The following ITPRID1 variants were observed in gnomAD, a reference collection of about 807,000 sequenced individuals.
The protein encoded by ITPRID1 is ITPR interacting domain containing 1.
ITPRID1 carries 96 observed loss-of-function variants against 95.4 expected under a neutral mutation model. The observed-to-expected ratio is 1.01, with a 90% CI of 0.85 to 1.19. The LOEUF is 1.19. ITPRID1 is among the 50% of genes most tolerant of loss of function. The pLI, the probability that ITPRID1 is intolerant of heterozygous loss-of-function variation, is 0.00. For synonymous variants in ITPRID1, 510 were observed against 453.6 expected, an observed-to-expected ratio of 1.12 and a Z score of -1.58; for missense variants, 1,339 against 1,252.9, an observed-to-expected ratio of 1.07 and a Z score of -1.04.
At chr7:31,542,393 C>G (rs573441393) in intron 1 of ITPRID1, among the ~76,000 whole-genome samples, 1 of 152,092 alleles carries the variant, frequency 6.6e-6, no homozygotes, top group African/African-American at 2.4e-5. Context: ...CATTTTTTTA[C>G]GACTTACACA....
chr7:31,587,935 A>G (rs377095926), intron 10 of ITPRID1, among the ~76,000 whole-genome samples: 2 of 152,174 alleles, frequency 1.3e-5, no homozygotes, highest in South Asian at 2.1e-4. Flanking sequence ...CTGGCTAGCC[A>G]TATGTAGAAA....
intron 10 of ITPRID1, among the ~76,000 whole-genome samples, chr7:31,634,273 AATTAAT>A (rs1479465563): frequency 1.3e-5 from 2 of 152,184 alleles, no homozygotes; most frequent in Non-Finnish European, 2.9e-5. Context: ...GGTAATTTCT[AATTAAT>A]ATTAGTATTA....
At chr7:31,615,684 T>G (rs1787135022) in intron 10 of ITPRID1, among the ~76,000 whole-genome samples, 1 of 130,510 alleles carries the variant, frequency 7.7e-6, no homozygotes, top group Non-Finnish European at 1.6e-5. Flanking sequence ...CCAAGATCAT[T>G]ACTAATAACA....
intron 10 of ITPRID1, among the ~76,000 whole-genome samples, chr7:31,622,596 A>G (rs1387542878): frequency 6.6e-6 from 1 of 152,124 alleles, no homozygotes; most frequent in East Asian, 1.9e-4. Flanking sequence ...TCTCTGGGAC[A>G]CATTCAAAGC....
At chr7:31,540,169 T>A (rs1783887850) in intron 1 of ITPRID1, among the ~76,000 whole-genome samples, 1 of 152,130 alleles carries the variant, frequency 6.6e-6, no homozygotes, top group Non-Finnish European at 1.5e-5. Flanking sequence ...AGATTGACTG[T>A]AGGAGTAACA....
At chr7:31,603,202 G>T (rs755863954) in intron 10 of ITPRID1, among the ~76,000 whole-genome samples, 21 of 151,960 alleles carry the variant, frequency 1.4e-4, no homozygotes, top group Non-Finnish European at 2.8e-4. Context: ...CCTCCATCTG[G>T]CACATTATGA....
intron 10 of ITPRID1, among the ~76,000 whole-genome samples, chr7:31,631,836 G>A (rs17160320): frequency 0.014 from 2,068 of 152,284 alleles, 55 homozygotes; most frequent in African/African-American, 0.047. Flanking sequence ...AAAATAATTA[G>A]CTTGTCTCAG....
intron 10 of ITPRID1, among the ~76,000 whole-genome samples, chr7:31,637,107 G>A (rs372299138): frequency 1.3e-5 from 2 of 151,918 alleles, no homozygotes; most frequent in African/African-American, 2.4e-5. Flanking sequence ...TGGTGTATAT[G>A]TGCCACATTT....
chr7:31,588,352 C>G (rs758792134), intron 10 of ITPRID1, among the ~76,000 whole-genome samples: 4 of 151,964 alleles, frequency 2.6e-5, no homozygotes, highest in Non-Finnish European at 5.9e-5. Flanking sequence ...CAGTCTTGGC[C>G]AGGTGCAGTG....
chr7:31,604,361 T>G (rs1786525293), intron 10 of ITPRID1, among the ~76,000 whole-genome samples: 2 of 152,194 alleles, frequency 1.3e-5, no homozygotes, highest in South Asian at 4.1e-4. Context: ...TATTCACAGA[T>G]CTATGTGATT....
intron 10 of ITPRID1, among the ~76,000 whole-genome samples, chr7:31,637,263 G>A (rs1789576533): frequency 6.6e-6 from 1 of 152,108 alleles, no homozygotes; most frequent in Non-Finnish European, 1.5e-5. Context: ...GTAATGGGAT[G>A]GCTGGGTCAA....
Position 31,523,357 on chromosome 7 carries a change from AC to A in ITPRID1, c.-98+9238del, listed in dbSNP as rs138704305. On this transcript the variant is annotated intron_variant, in intron 1 of 14. Coordinates refer to ENST00000615280, the MANE Select transcript of ITPRID1 (RefSeq NM_001257967.3). ...TGCTTCTTTGACTCTTAACTAGTTG[AC>A]TCTTTAAACTGATTGCAAGACAAGG... Among the ~76,000 whole-genome samples, 579 of 152,280 alleles carry A rather than the reference AC, an allele frequency of 3.8e-3. 1 individual carries two copies. The highest frequency in any genetic ancestry group is 6.5e-3 in the Non-Finnish European group (442 of 68,022).
intron 10 of ITPRID1, among the ~76,000 whole-genome samples, chr7:31,586,928 T>C (rs1785640001): frequency 6.6e-6 from 1 of 152,276 alleles, no homozygotes; most frequent in South Asian, 2.1e-4. Context: ...GCCTATGTCC[T>C]GAATGGTAAT....
chr7:31,599,119 T>C (rs996828176), intron 10 of ITPRID1, among the ~76,000 whole-genome samples: 4 of 152,214 alleles, frequency 2.6e-5, no homozygotes, highest in Non-Finnish European at 5.9e-5. Flanking sequence ...AAGAATCATT[T>C]TGAAACACTG....
At chr7:31,524,386 A>C (rs1783360372) in intron 1 of ITPRID1, among the ~76,000 whole-genome samples, 1 of 152,174 alleles carries the variant, frequency 6.6e-6, no homozygotes, top group African/African-American at 2.4e-5. Flanking sequence ...CCAAACATTC[A>C]TTTGTGTCCT....
intron 1 of ITPRID1, among the ~76,000 whole-genome samples, chr7:31,520,690 A>G (rs901107497): frequency 2.0e-5 from 3 of 152,148 alleles, no homozygotes; most frequent in African/African-American, 7.2e-5. Flanking sequence ...AGATCTGGAT[A>G]CCAGCTATGT....
At chr7:31,568,037 A>G (rs1369397369) in intron 5 of ITPRID1, among the ~76,000 whole-genome samples, 3 of 152,000 alleles carry the variant, frequency 2.0e-5, no homozygotes, top group Non-Finnish European at 4.4e-5. Flanking sequence ...GAGGCACGAG[A>G]ATCACTTGAA....
chr7:31,564,125 T>G (rs2128140781), intron 5 of ITPRID1, among the ~76,000 whole-genome samples: 1 of 152,258 alleles, frequency 6.6e-6, no homozygotes, highest in Non-Finnish European at 1.5e-5. Flanking sequence ...AAAAAATGCT[T>G]TCTAAGCCAA....
At chr7:31,530,380 T>C (rs565320773) in intron 1 of ITPRID1, among the ~76,000 whole-genome samples, 1 of 152,258 alleles carries the variant, frequency 6.6e-6, no homozygotes, top group South Asian at 2.1e-4. Flanking sequence ...ACTGGAGCCA[T>C]GTAGGAATGG....
Sources: gnomAD v4.1 joint callset for allele counts (sites outside exome capture counted in the v4.1 genomes callset) on GRCh38, gnomAD v4.1.1 for gene constraint, MANE v1.5 for transcripts, NCBI Gene and HGNC (gene_info 2026-07-23, HGNC 2026-07-21) for gene names.